STPG2: variants seen among roughly 807,000 people sequenced by gnomAD.
STPG2 encodes the protein sperm-tail PG-rich repeat-containing protein 2.
STPG2 carries 56 observed loss-of-function variants against 54.2 expected under a neutral mutation model. The observed-to-expected ratio is 1.03, with a 90% CI of 0.83 to 1.29. The LOEUF (loss-of-function observed/expected upper bound fraction) is 1.29, where lower values mean the gene tolerates loss of function less well. STPG2 is among the 50% of genes most tolerant of loss of function. STPG2 has a pLI of 0.00. For missense variants in STPG2, 596 were observed against 544.9 expected (o/e 1.09, Z -0.93); for synonymous variants, 200 against 181.8 (o/e 1.10, Z -0.81).
intron 5 of STPG2, among the ~76,000 whole-genome samples, chr4:97,994,765 T>C (rs1029172077): frequency 1.3e-5 from 2 of 152,098 alleles, no homozygotes; most frequent in African/African-American, 2.4e-5. Flanking sequence ...GTACTGGTTT[T>C]GTGTTGGTCG....
chr4:97,792,653 G>C lies in STPG2; in HGVS notation c.1204+48120C>G, dbSNP rs535552248. On this transcript the variant is annotated intron_variant, in intron 9 of 10. Coordinates refer to ENST00000295268, the MANE Select transcript of STPG2 (RefSeq NM_174952.3). ...AGCCTTCCATCCCACTGTGAAGCAA[G>C]GCCTACCAAGTCATACAATATCTAG... Among the ~76,000 whole-genome samples the C allele has an allele frequency of 1.8e-4, 28 of 151,422 alleles. No individual in the cohort carries two copies. The South Asian group carries it at 5.6e-3, about 30-fold the overall frequency.
chr4:97,455,473 T>C (rs892353061), intron 4 of STPG2, among the ~76,000 whole-genome samples: 6 of 152,134 alleles, frequency 3.9e-5, no homozygotes, highest in East Asian at 1.9e-4. Flanking sequence ...CCAGCAGATG[T>C]TGGCAGGCCA....
At chr4:98,081,188 G>T (rs1334466944) in intron 5 of STPG2, among the ~76,000 whole-genome samples, 1 of 152,200 alleles carries the variant, frequency 6.6e-6, no homozygotes, top group Non-Finnish European at 1.5e-5. Context: ...ACAGAATTAA[G>T]TGTTCTAGAT....
chr4:97,767,968 T>C (rs1276528796), intron 9 of STPG2, among the ~76,000 whole-genome samples: 8 of 151,928 alleles, frequency 5.3e-5, no homozygotes, highest in Admixed American at 3.3e-4. Flanking sequence ...GAGATTGAGG[T>C]CATCCTGGCC....
chr4:97,777,862 A>T (rs965458646), intron 9 of STPG2, among the ~76,000 whole-genome samples: 2 of 152,218 alleles, frequency 1.3e-5, no homozygotes, highest in African/African-American at 4.8e-5. Context: ...TATCTCTGAT[A>T]GAGTATCAAA....
intron 8 of STPG2, among the ~76,000 whole-genome samples, chr4:97,858,373 G>A (rs1487636052): frequency 1.3e-5 from 2 of 152,070 alleles, no homozygotes; most frequent in Non-Finnish European, 2.9e-5. Flanking sequence ...AAACCTTACA[G>A]GCCATGAAAG....
intron 3 of STPG2, among the ~76,000 whole-genome samples, chr4:98,121,893 T>G (rs919652938): frequency 3.3e-5 from 5 of 152,138 alleles, no homozygotes; most frequent in African/African-American, 1.2e-4. Flanking sequence ...AGCTAATTTT[T>G]GTATTTTTAG....
intron 9 of STPG2, among the ~76,000 whole-genome samples, chr4:97,807,651 G>C (rs1355796286): frequency 6.6e-6 from 1 of 151,856 alleles, no homozygotes; most frequent in African/African-American, 2.4e-5. Context: ...AAATGAAAAA[G>C]TTGTAAGAGG....
At chr4:97,791,277 C>T (rs918028550) in intron 9 of STPG2, among the ~76,000 whole-genome samples, 1 of 152,008 alleles carries the variant, frequency 6.6e-6, no homozygotes, top group Non-Finnish European at 1.5e-5. Flanking sequence ...AAAGCATGTA[C>T]CCTGCAATGA....
intron 4 of STPG2, among the ~76,000 whole-genome samples, chr4:97,503,688 G>T (rs139328584): frequency 0.012 from 1,848 of 150,490 alleles, 24 homozygotes; most frequent in Non-Finnish European, 0.019. Context: ...ACATTAAGTA[G>T]CATTTTAATA....
chr4:97,704,339 C>T lies in STPG2; in HGVS notation c.1320+8360G>A, dbSNP rs58830265. On this transcript the variant is annotated intron_variant, in intron 10 of 10. Coordinates refer to ENST00000295268, the MANE Select transcript of STPG2 (RefSeq NM_174952.3). ...AAGATACAAAGATCTTTCTCTATTC[C>T]GATACAAGAAATACTTCCATAATAT... 2.7e-3 allele frequency among the ~76,000 whole-genome samples: 409 copies of T among 152,190 alleles called. 14 individuals carry two copies. In the East Asian group the frequency reaches 0.074, roughly 28 times the overall value.
intron 4 of STPG2, among the ~76,000 whole-genome samples, chr4:97,538,369 C>T (rs949977707): frequency 2.0e-5 from 3 of 152,160 alleles, no homozygotes; most frequent in Admixed American, 1.3e-4. Flanking sequence ...GCTGAAAACC[C>T]ATGGCACAAC....
At chr4:97,550,634 T>C (rs537287574) in intron 4 of STPG2, among the ~76,000 whole-genome samples, 3 of 152,282 alleles carry the variant, frequency 2.0e-5, no homozygotes, top group Non-Finnish European at 4.4e-5. Context: ...CGGTGGGTTC[T>C]TGGTCTCGCT....
chr4:98,062,334 G>T (rs1737686082), intron 5 of STPG2, among the ~76,000 whole-genome samples: 1 of 152,060 alleles, frequency 6.6e-6, no homozygotes, highest in Non-Finnish European at 1.5e-5. Flanking sequence ...GAGCAGAAAA[G>T]ACAACTATTG....
At chr4:97,952,143 C>T (rs1392229552) in intron 7 of STPG2, among the ~76,000 whole-genome samples, 3 of 152,128 alleles carry the variant, frequency 2.0e-5, no homozygotes, top group African/African-American at 4.8e-5. Flanking sequence ...TACCTCTCAA[C>T]CACACCTGAA....
intron 5 of STPG2, among the ~76,000 whole-genome samples, chr4:98,095,866 CTT>C (rs1738842670): frequency 2.0e-5 from 3 of 152,154 alleles, no homozygotes; most frequent in Admixed American, 2.0e-4. Flanking sequence ...AATACACACT[CTT>C]CTCCTCAGCC....
At chr4:97,669,219 AAT>A (rs1722624244) in intron 10 of STPG2, among the ~76,000 whole-genome samples, 1 of 152,104 alleles carries the variant, frequency 6.6e-6, no homozygotes, top group African/African-American at 2.4e-5. Context: ...AGTCTGCAAA[AAT>A]ATATATACTC....
chr4:98,098,695 A>G (rs1219690861), intron 5 of STPG2, among the ~76,000 whole-genome samples: 1 of 152,180 alleles, frequency 6.6e-6, no homozygotes, highest in Non-Finnish European at 1.5e-5. Context: ...CAGCTCACAG[A>G]ATGAGAGAAA....
At chr4:98,052,164 A>T (rs529239423) in intron 5 of STPG2, among the ~76,000 whole-genome samples, 1 of 152,144 alleles carries the variant, frequency 6.6e-6, no homozygotes, top group Admixed American at 6.5e-5. Context: ...TCAAGTGGGG[A>T]AAAAGGATAT....
Sources: allele counts gnomAD v4.1 joint callset (sites outside exome capture counted in the v4.1 genomes callset), GRCh38; gene constraint gnomAD v4.1.1; transcripts MANE v1.5; gene names NCBI Gene and HGNC (gene_info 2026-07-23, HGNC 2026-07-21).